Variants in AOAH observed in about 807,000 individuals in gnomAD.
The protein encoded by AOAH is acyloxyacyl hydrolase (neutrophil).
In AOAH, 64 loss-of-function variants were observed where a neutral mutation model predicts 92.2. The observed-to-expected ratio is 0.69, with a 90% CI of 0.57 to 0.86. The LOEUF is 0.86. AOAH is among the 40% of genes least tolerant of loss of function. The pLI is 0.00. For synonymous variants in AOAH, 263 were observed against 254.5 expected, an observed-to-expected ratio of 1.03 and a Z score of -0.32; for missense variants, 656 against 694.6, an observed-to-expected ratio of 0.94 and a Z score of 0.62.
intron 2 of AOAH, among the ~76,000 whole-genome samples, chr7:36,676,878 G>A (rs575680201): frequency 6.6e-6 from 1 of 152,260 alleles, no homozygotes; most frequent in African/African-American, 2.4e-5. Flanking sequence ...GACAGCCACA[G>A]GCAAAAGAAT....
At chr7:36,704,716 T>C (rs746872046) in intron 1 of AOAH, among the ~76,000 whole-genome samples, 11 of 152,136 alleles carry the variant, frequency 7.2e-5, no homozygotes, top group Non-Finnish European at 1.6e-4. Flanking sequence ...GCCAATATCC[T>C]TGATGAACAT....
At chr7:36,600,565 C>T (rs921162845) in intron 11 of AOAH, among the ~76,000 whole-genome samples, 3 of 151,998 alleles carry the variant, frequency 2.0e-5, no homozygotes, top group Non-Finnish European at 4.4e-5. Context: ...CTTGGGATGA[C>T]TTGCCAAGGT....
intron 3 of AOAH, among the ~76,000 whole-genome samples, chr7:36,669,128 G>A (rs1230765363): frequency 1.3e-5 from 2 of 152,130 alleles, no homozygotes; most frequent in Non-Finnish European, 2.9e-5. Flanking sequence ...CCTGTGGCAG[G>A]GTTAGGGGAA....
chr7:36,620,026 A>T (rs1318961939), intron 9 of AOAH, among the ~76,000 whole-genome samples: 2 of 152,168 alleles, frequency 1.3e-5, no homozygotes, highest in Non-Finnish European at 2.9e-5. Context: ...AGGCCAGAAC[A>T]TGTTTCCATG....
At chr7:36,585,034 A>G (rs1789216781) in intron 12 of AOAH, among the ~76,000 whole-genome samples, 1 of 152,198 alleles carries the variant, frequency 6.6e-6, no homozygotes, top group Admixed American at 6.5e-5. Flanking sequence ...TGAGACAAGT[A>G]GTAAACAGGT....
intron 4 of AOAH, among the ~76,000 whole-genome samples, chr7:36,646,780 AT>A (rs965698756): frequency 4.6e-5 from 7 of 151,716 alleles, no homozygotes; most frequent in Admixed American, 3.9e-4. Context: ...CTGTTGTCAC[AT>A]TTTTTTTCTC....
intron 20 of AOAH, among the ~76,000 whole-genome samples, chr7:36,513,821 C>A (rs1343873241): frequency 6.6e-6 from 1 of 152,164 alleles, no homozygotes. Context: ...GGATGCCATG[C>A]CTTGATTTTG....
intron 11 of AOAH, among the ~76,000 whole-genome samples, chr7:36,604,370 T>C (rs1272832495): frequency 6.6e-6 from 1 of 152,232 alleles, no homozygotes; most frequent in Non-Finnish European, 1.5e-5. Context: ...AGCTAGACTT[T>C]ACATTTTTTG....
intron 15 of AOAH, among the ~76,000 whole-genome samples, chr7:36,544,480 G>T (rs1785664186): frequency 6.6e-6 from 1 of 152,082 alleles, no homozygotes; most frequent in South Asian, 2.1e-4. Context: ...CGACTCCAGG[G>T]TCCCAGCACC....
intron 1 of AOAH, among the ~76,000 whole-genome samples, chr7:36,699,697 C>G (rs1466941100): frequency 7.3e-6 from 1 of 137,632 alleles, no homozygotes; most frequent in Non-Finnish European, 1.6e-5. Context: ...TGTTATTAAT[C>G]TCTTGTTAGA....
intron 13 of AOAH, among the ~76,000 whole-genome samples, chr7:36,569,904 C>T (rs575707790): frequency 1.6e-3 from 246 of 152,224 alleles, no homozygotes; most frequent in South Asian, 3.1e-3. Flanking sequence ...TGAACCACCG[C>T]GCCCAGCCCC....
intron 13 of AOAH, among the ~76,000 whole-genome samples, chr7:36,568,738 C>T (rs1033855190): frequency 6.6e-6 from 1 of 152,156 alleles, no homozygotes; most frequent in African/African-American, 2.4e-5. Context: ...TTCTCTTCTC[C>T]CCTCCCCTTC....
intron 13 of AOAH, among the ~76,000 whole-genome samples, chr7:36,554,334 T>C (rs1272404985): frequency 6.6e-6 from 1 of 152,214 alleles, no homozygotes; most frequent in Non-Finnish European, 1.5e-5. Context: ...TTCTGTTCCA[T>C]TGATCTATAT....
intron 2 of AOAH, among the ~76,000 whole-genome samples, chr7:36,684,432 G>A (rs539262469): frequency 6.6e-6 from 1 of 152,112 alleles, no homozygotes; most frequent in Non-Finnish European, 1.5e-5. Flanking sequence ...AAAGAATCAA[G>A]CATTTATCCT....
intron 3 of AOAH, among the ~76,000 whole-genome samples, chr7:36,668,011 G>A (rs1376425112): frequency 6.6e-6 from 1 of 152,150 alleles, no homozygotes; most frequent in South Asian, 2.1e-4. Context: ...GACAATTTCT[G>A]TTTCTTAGTT....
chr7:36,631,083 C>T (rs377631050), intron 6 of AOAH, among the ~76,000 whole-genome samples: 114 of 152,258 alleles, frequency 7.5e-4, no homozygotes, highest in African/African-American at 2.7e-3. Context: ...TGGTGGCTCA[C>T]GCCTGTAATC....
intron 3 of AOAH, among the ~76,000 whole-genome samples, chr7:36,673,628 G>C (rs768661280): frequency 6.6e-6 from 1 of 152,200 alleles, no homozygotes; most frequent in Non-Finnish European, 1.5e-5. Context: ...GGGAGGCGGA[G>C]AGAAGCCAGG....
chr7:36,632,932 A>ACTT (rs1359681847), intron 5 of AOAH, among the ~76,000 whole-genome samples: 2 of 152,220 alleles, frequency 1.3e-5, no homozygotes, highest in Non-Finnish European at 2.9e-5. Flanking sequence ...TAGGAGGAGA[A>ACTT]ATAATCCTGA....
Position 36,533,605 on chromosome 7 carries a change from C to A in AOAH, c.1307-1261G>T, listed in dbSNP as rs576933328. Among the ~76,000 whole-genome samples, 11 of 152,230 alleles carry A rather than the reference C, an allele frequency of 7.2e-5. No individual in the cohort carries two copies. The South Asian group carries it at 1.7e-3, about 23-fold the overall frequency. On this transcript the variant is annotated intron_variant, in intron 16 of 20. Coordinates refer to ENST00000617537, the MANE Select transcript of AOAH (RefSeq NM_001637.4). The stretch of plus-strand genomic sequence containing the variant: ...CGTCCTTGCTTTTATTTTATGGGTC[C>A]AACACTGAGCTTCCATTTTCCCCCA...
Sources: gnomAD v4.1 joint callset for allele counts (sites outside exome capture counted in the v4.1 genomes callset) on GRCh38, gnomAD v4.1.1 for gene constraint, MANE v1.5 for transcripts, NCBI Gene and HGNC (gene_info 2026-07-23, HGNC 2026-07-21) for gene names.